SUGCT: variants seen among roughly 807,000 people sequenced by gnomAD.
SUGCT encodes the protein succinyl-CoA:glutarate-CoA transferase.
Under a neutral mutation model 55.0 loss-of-function variants are expected in SUGCT, and 41 were observed. That is an observed-to-expected ratio of 0.74 (90% CI 0.58 to 0.97). SUGCT has a LOEUF of 0.97. Ranked by LOEUF, SUGCT falls within the 50% of genes least tolerant of loss-of-function variation. The pLI is 0.00. For synonymous variants in SUGCT, 187 were observed against 200.4 expected (o/e 0.93, Z 0.56); for missense variants, 568 against 547.8 (o/e 1.04, Z -0.37).
At chr7:40,177,892 GGTGCTCCTC>G (rs1334843240) in intron 1 of SUGCT, among the ~76,000 whole-genome samples, 4 of 152,132 alleles carry the variant, frequency 2.6e-5, no homozygotes, top group Non-Finnish European at 4.4e-5. Flanking sequence ...TGGGACAACT[GGTGCTCCTC>G]GCCACACCCA....
chr7:40,561,401 C>G (rs1378031357), intron 12 of SUGCT, among the ~76,000 whole-genome samples: 1 of 152,206 alleles, frequency 6.6e-6, no homozygotes, highest in East Asian at 1.9e-4. Context: ...TGGGTTGCAT[C>G]TCATGGTAGT....
intron 12 of SUGCT, among the ~76,000 whole-genome samples, chr7:40,498,664 A>G (rs1238055360): frequency 1.3e-5 from 2 of 152,214 alleles, no homozygotes; most frequent in African/African-American, 4.8e-5. Flanking sequence ...CCTTAAGTGT[A>G]AAATGGTGAA....
intron 12 of SUGCT, among the ~76,000 whole-genome samples, chr7:40,670,191 AAAGAAG>A (rs1005001390): frequency 3.4e-5 from 5 of 148,668 alleles, no homozygotes; most frequent in South Asian, 4.2e-4. Context: ...AAAAAAAAAA[AAAGAAG>A]AAGAAGAAGA....
At chr7:40,648,512 C>G (rs1800630255) in intron 12 of SUGCT, among the ~76,000 whole-genome samples, 1 of 152,144 alleles carries the variant, frequency 6.6e-6, no homozygotes, top group Admixed American at 6.5e-5. Context: ...AGTCCTAACC[C>G]CTGGCACCTG....
rs1789655675 is a variant in SUGCT at position 40,459,186 on chromosome 7, T to C, written c.974T>C (p.Ile325Thr). The C allele has an allele frequency of 6.3e-7, 1 of 1,597,560 alleles. No individual in the cohort carries two copies. The highest frequency in any genetic ancestry group is 1.7e-5 in the Admixed American group (1 of 59,880). ...RVHNRKELIKILSERFEEELT... is the reference protein window; with the variant it reads ...RVHNRKELIKTLSERFEEELT... Reference sequence around the variant, plus strand: ...CACAATAGAAAAGAGCTTATTAAAATATTATCTGAACGGTAAGTTTGGATG... The same window carrying C: ...CACAATAGAAAAGAGCTTATTAAAACATTATCTGAACGGTAAGTTTGGATG... Residue 325 changes from isoleucine (I) to threonine (T), a missense_variant, in exon 11 of 14, where the codon ATA (isoleucine) becomes ACA (threonine). By Grantham distance (89) the Ile-to-Thr change is moderately conservative. Transcript: ENST00000335693.
chr7:41,000,873 A>G, the SUGCT span, among the ~76,000 whole-genome samples: 539 of 152,318 alleles, frequency 3.5e-3, no homozygotes, highest in Non-Finnish European at 6.1e-3. Flanking sequence ...TCATCAAGGG[A>G]TAACTCTTAG....
chr7:40,811,985 AT>A (rs1269089893), intron 13 of SUGCT, among the ~76,000 whole-genome samples: 1 of 151,968 alleles, frequency 6.6e-6, no homozygotes, highest in Non-Finnish European at 1.5e-5. Flanking sequence ...GGGATGTTGG[AT>A]TTTTTTGAAA....
chr7:40,501,682 G>T (rs1483050190), intron 12 of SUGCT, among the ~76,000 whole-genome samples: 2 of 151,978 alleles, frequency 1.3e-5, no homozygotes, highest in African/African-American at 4.8e-5. Flanking sequence ...TCCACTATGT[G>T]TATGGTCTTG....
intron 12 of SUGCT, among the ~76,000 whole-genome samples, chr7:40,506,410 T>C (rs1792596871): frequency 6.6e-6 from 1 of 152,152 alleles, no homozygotes; most frequent in African/African-American, 2.4e-5. Flanking sequence ...TTTATTTTGC[T>C]CCTCTGTTCA....
At chr7:40,495,879 AT>A (rs200380930) in intron 11 of SUGCT, among the ~76,000 whole-genome samples, 8 of 151,868 alleles carry the variant, frequency 5.3e-5, no homozygotes, top group African/African-American at 1.7e-4. Flanking sequence ...CTATATTAGT[AT>A]TTTTTTTGTT....
chr7:40,421,278 A>G (rs898917379), intron 9 of SUGCT, among the ~76,000 whole-genome samples: 1 of 151,844 alleles, frequency 6.6e-6, no homozygotes, highest in African/African-American at 2.4e-5. Context: ...TTACTCATCT[A>G]GTTTTCCAAG....
intron 12 of SUGCT, among the ~76,000 whole-genome samples, chr7:40,692,002 AG>A (rs1427865725): frequency 6.6e-6 from 1 of 152,192 alleles, no homozygotes; most frequent in Non-Finnish European, 1.5e-5. Flanking sequence ...TTGCCATAGG[AG>A]GTGATAAAGC....
chr7:40,950,747 G>A, the SUGCT span, among the ~76,000 whole-genome samples: 1 of 152,132 alleles, frequency 6.6e-6, no homozygotes, highest in Admixed American at 6.5e-5. Context: ...CTGTTTATAT[G>A]CTGGATTACG....
At chr7:40,583,793 T>G (rs1346449106) in intron 12 of SUGCT, among the ~76,000 whole-genome samples, 1 of 152,192 alleles carries the variant, frequency 6.6e-6, no homozygotes, top group Non-Finnish European at 1.5e-5. Flanking sequence ...ATGCACCTGG[T>G]CAGTTGTGCA....
chr7:40,631,424 A>G (rs996468808), intron 12 of SUGCT, among the ~76,000 whole-genome samples: 1 of 152,192 alleles, frequency 6.6e-6, no homozygotes, highest in African/African-American at 2.4e-5. Flanking sequence ...CCAGCTGTTT[A>G]GATTTAGTTT....
chr7:40,166,626 C>T (rs913024891), intron 1 of SUGCT, among the ~76,000 whole-genome samples: 1 of 152,176 alleles, frequency 6.6e-6, no homozygotes, highest in Non-Finnish European at 1.5e-5. Flanking sequence ...GTGGCTCCCA[C>T]CTGTAATCCC....
At chr7:40,286,748 G>A (rs1170629619) in intron 8 of SUGCT, among the ~76,000 whole-genome samples, 2 of 152,166 alleles carry the variant, frequency 1.3e-5, no homozygotes, top group African/African-American at 4.8e-5. Context: ...AACATTGGGT[G>A]TGGCATTTCA....
intron 6 of SUGCT, among the ~76,000 whole-genome samples, chr7:40,214,517 G>A (rs930132767): frequency 3.9e-5 from 6 of 152,120 alleles, no homozygotes; most frequent in Admixed American, 1.3e-4. Flanking sequence ...GTTGTGATTC[G>A]CACCTCTTTG....
chr7:40,839,644 G>A (rs911440540), intron 13 of SUGCT, among the ~76,000 whole-genome samples: 6 of 152,060 alleles, frequency 3.9e-5, no homozygotes, highest in Non-Finnish European at 7.4e-5. Flanking sequence ...GGTAGTCAGT[G>A]GTTACTGAGT....
Sources: gnomAD v4.1 joint callset for allele counts (sites outside exome capture counted in the v4.1 genomes callset) on GRCh38, gnomAD v4.1.1 for gene constraint, MANE v1.5 for transcripts, NCBI Gene and HGNC (gene_info 2026-07-23, HGNC 2026-07-21) for gene names.